Variants in FLT1 observed in about 807,000 individuals in gnomAD.
FLT1 encodes the protein vascular endothelial growth factor receptor 1.
FLT1 carries 49 observed loss-of-function variants against 156.3 expected under a neutral mutation model. The ratio of observed to expected loss-of-function variants is 0.31; its 90% CI spans 0.25 to 0.40. FLT1 has a LOEUF of 0.40. Among genes scored for constraint, FLT1 ranks in the 10% least tolerant of loss-of-function variants. The pLI is 1.00. For synonymous variants in FLT1, 594 were observed against 583.8 expected, an observed-to-expected ratio of 1.02 and a Z score of -0.25; for missense variants, 1,322 against 1,637.2, an observed-to-expected ratio of 0.81 and a Z score of 3.32.
chr13:28,401,167 A>G lies in FLT1; in HGVS notation c.1552-4099T>C, dbSNP rs561193329. 9.8e-5 allele frequency among the ~76,000 whole-genome samples: 15 copies of G among 152,316 alleles called. No homozygotes were observed. The South Asian group carries it at 2.9e-3, about 29-fold the overall frequency. On this transcript the variant is annotated intron_variant, in intron 11 of 29. Coordinates refer to ENST00000282397, the MANE Select transcript of FLT1 (RefSeq NM_002019.4). ...CTTGAACATGAGAAGCAGAGGTTGCAGTGAGCCGAGATCATGCCAAAATAC... is the reference window on the plus strand; with the variant it reads ...CTTGAACATGAGAAGCAGAGGTTGCGGTGAGCCGAGATCATGCCAAAATAC...
chr13:28,428,606 G>A (rs1441603444), intron 8 of FLT1, among the ~76,000 whole-genome samples: 1 of 152,168 alleles, frequency 6.6e-6, no homozygotes, highest in Non-Finnish European at 1.5e-5. Context: ...ACCTGGCTCT[G>A]CTACTCACTG....
intron 15 of FLT1, among the ~76,000 whole-genome samples, chr13:28,356,063 G>GT (rs928746380): frequency 1.1e-4 from 16 of 152,284 alleles, no homozygotes; most frequent in African/African-American, 3.9e-4. Context: ...TGGTGGAGGG[G>GT]TGGGGACAGG....
At chr13:28,324,765 C>T (rs1238095909) in intron 20 of FLT1, among the ~76,000 whole-genome samples, 1 of 152,170 alleles carries the variant, frequency 6.6e-6, no homozygotes, top group East Asian at 1.9e-4. Context: ...TGTGAAAACT[C>T]TCCCTGGACA....
chr13:28,324,816 T>C (rs17086553), intron 20 of FLT1, among the ~76,000 whole-genome samples: 3,416 of 152,296 alleles, frequency 0.022, 126 homozygotes, highest in African/African-American at 0.077. Flanking sequence ...AGCCTAGGCA[T>C]GTCTCCAAGG....
rs140684010 is a variant in FLT1 at position 28,317,831 on chromosome 13, A to G, written c.3287-234T>C. 8.2e-3 allele frequency among the ~76,000 whole-genome samples: 1,243 copies of G among 152,352 alleles called. 7 individuals are homozygous for G. The highest frequency in any genetic ancestry group is 0.014 in the Admixed American group (219 of 15,308). ...ACATGGTGCGGGGCACCTGGTGCTC[A>G]CAGGCTATTCCTATGGCTACTTCTG... is the stretch of plus-strand genomic sequence containing the variant. On this transcript the variant is annotated intron_variant, in intron 24 of 29. Transcript: ENST00000282397.
At position 28,321,432 on chromosome 13, in the gene FLT1, C is replaced by T. The variant is rs61762458; in HGVS notation, c.3174+31G>A. 273 of 1,611,624 alleles carry T rather than the reference C, an allele frequency of 1.7e-4. No homozygotes were observed. The African/African-American group carries it at 3.0e-3, about 18-fold the overall frequency. Reference sequence around the variant, plus strand: ...TGTGGTTTAAAAGTGATAGGACACACATGAGTCAAATAAACATCAAACTGA... The same window carrying T: ...TGTGGTTTAAAAGTGATAGGACACATATGAGTCAAATAAACATCAAACTGA... On this transcript the variant is annotated intron_variant, in intron 23 of 29. Coordinates refer to ENST00000282397, the MANE Select transcript of FLT1 (RefSeq NM_002019.4).
Position 28,494,886 on chromosome 13 carries a change from C to T in FLT1, c.-43G>A. The T allele has an allele frequency of 6.8e-7, 1 of 1,479,248 alleles. No individual in the cohort carries two copies. Among genetic ancestry groups the T allele is most frequent in the Admixed American group, 2.1e-5 (1 of 47,628 alleles). The allele number at this position is 1,479,248 out of a possible 1,614,324, so 91.6% of individuals were successfully genotyped here. A position where few individuals can be genotyped will look rare whatever the true frequency, so the allele number is the denominator to read the frequency against. On this transcript the variant is annotated 5_prime_UTR_variant, in exon 1 of 30. Transcript: ENST00000282397. ...CTGCTCGCCCGGTGCCCGCGCTCCC[C>T]GCGGCCAACGACCCGGCCGCCAGAG... is the stretch of plus-strand genomic sequence containing the variant.
intron 20 of FLT1, among the ~76,000 whole-genome samples, chr13:28,326,653 G>A (rs1165321169): frequency 1.3e-5 from 2 of 150,446 alleles, no homozygotes; most frequent in Non-Finnish European, 2.9e-5. Context: ...AGCCTCCCTA[G>A]TAGCTGGGAT....
intron 11 of FLT1, among the ~76,000 whole-genome samples, chr13:28,403,901 G>C (rs1370063068): frequency 6.6e-6 from 1 of 152,156 alleles, no homozygotes; most frequent in Admixed American, 6.5e-5. Flanking sequence ...ACTTAGCCAG[G>C]AGTGATGGCG....
intron 6 of FLT1, among the ~76,000 whole-genome samples, chr13:28,431,771 A>C (rs1387096544): frequency 6.6e-6 from 1 of 152,194 alleles, no homozygotes; most frequent in Non-Finnish European, 1.5e-5. Context: ...GACAATCATA[A>C]GCCTTAGTTA....
Position 28,322,460 on chromosome 13 carries a change from A to C in FLT1, c.2954-101T>G. The C allele has an allele frequency of 1.2e-6, 1 of 832,156 alleles. No homozygotes were observed. The highest frequency in any genetic ancestry group is 2.0e-6 in the Non-Finnish European group (1 of 490,216). The allele number at this position is 832,156 out of a possible 1,614,324, so 51.5% of individuals were successfully genotyped here. ...TTAGCAAAACATAAAACAAACCAAC[A>C]AGTAGATCAGAGTTCATTTTTAAGA... On this transcript the variant is annotated intron_variant, in intron 21 of 29. Transcript: ENST00000282397. The surrounding 1 kb of genome is among the most constrained non-coding windows in gnomAD (Gnocchi z 4.3).
intron 4 of FLT1, among the ~76,000 whole-genome samples, chr13:28,436,750 G>A (rs1252045429): frequency 6.6e-6 from 1 of 152,208 alleles, no homozygotes; most frequent in East Asian, 1.9e-4. Flanking sequence ...GTTAAATAAT[G>A]CTAAAGCTAA....
intron 15 of FLT1, among the ~76,000 whole-genome samples, chr13:28,346,705 G>C (rs572629186): frequency 1.3e-5 from 2 of 152,252 alleles, no homozygotes; most frequent in East Asian, 1.9e-4. Flanking sequence ...GCAAGACCTG[G>C]TCTCAAAAGA....
chr13:28,370,596 C>T (rs568552487), intron 14 of FLT1, among the ~76,000 whole-genome samples: 3 of 152,184 alleles, frequency 2.0e-5, no homozygotes, highest in Non-Finnish European at 4.4e-5. Flanking sequence ...CATCTTTGTG[C>T]GCTTTCACTG....
Position 28,335,689 on chromosome 13 carries a change from C to G in FLT1, c.2489-1560G>C, listed in dbSNP as rs368069999. The stretch of plus-strand genomic sequence containing the variant: ...ACATGCTCTGCATTCAGAGAGAACA[C>G]TGGGGAGACGACACGTTTCTCTTTT... On this transcript the variant is annotated intron_variant, in intron 17 of 29. Coordinates refer to ENST00000282397, the MANE Select transcript of FLT1 (RefSeq NM_002019.4). Among the ~76,000 whole-genome samples, 4 of 152,280 alleles carry G rather than the reference C, an allele frequency of 2.6e-5. No individual in the cohort carries two copies. The East Asian group carries it at 5.8e-4, about 22-fold the overall frequency.
Position 28,394,693 on chromosome 13 carries a change from C to T in FLT1, c.1660+2267G>A, listed in dbSNP as rs59268060. Among the ~76,000 whole-genome samples, 859 of 152,212 alleles carry T rather than the reference C, an allele frequency of 5.6e-3. 6 individuals carry two copies. Among genetic ancestry groups the T allele is most frequent in the African/African-American group, 0.019 (799 of 41,516 alleles). ...AGACCCAGGCAAGAAGGATCCCTGTCGCAGCTCTGTTCTGGTCGCAGCTCT... is the reference window on the plus strand; with the variant it reads ...AGACCCAGGCAAGAAGGATCCCTGTTGCAGCTCTGTTCTGGTCGCAGCTCT... On this transcript the variant is annotated intron_variant, in intron 12 of 29. Coordinates refer to ENST00000282397, the MANE Select transcript of FLT1 (RefSeq NM_002019.4).
chr13:28,480,534 TGGA>T (rs1167457752), intron 1 of FLT1, among the ~76,000 whole-genome samples: 2 of 152,328 alleles, frequency 1.3e-5, no homozygotes, highest in East Asian at 3.9e-4. Context: ...AGAATAAAGT[TGGA>T]GGTGAGACCT....
chr13:28,339,329 C>T (rs765473341), intron 16 of FLT1, 29 bp from the exon 17 acceptor site: 7 of 1,608,884 alleles, frequency 4.4e-6, no homozygotes, highest in African/African-American at 1.3e-5. Context: ...TCAAAGTCAT[C>T]GAGAAGAAAA....
chr13:28,304,445 G>C (rs1254763587), intron 29 of FLT1, among the ~76,000 whole-genome samples: 1 of 151,590 alleles, frequency 6.6e-6, no homozygotes, highest in Non-Finnish European at 1.5e-5. Context: ...GGAGGCACTT[G>C]TTGCCATCCT....
Sources: allele counts gnomAD v4.1 joint callset (sites outside exome capture counted in the v4.1 genomes callset), GRCh38; gene constraint gnomAD v4.1.1; non-coding constraint Gnocchi (gnomAD v3.1); transcripts MANE v1.5; gene names NCBI Gene and HGNC (gene_info 2026-07-23, HGNC 2026-07-21).